The following THSD7B variants were observed in gnomAD, a reference collection of about 807,000 sequenced individuals.
The protein encoded by THSD7B is thrombospondin type-1 domain-containing protein 7B.
THSD7B carries 138 observed loss-of-function variants against 213.6 expected under a neutral mutation model. The ratio of observed to expected loss-of-function variants is 0.65; its 90% confidence interval spans 0.56 to 0.74. THSD7B has a LOEUF of 0.74. Among genes scored for constraint, THSD7B ranks in the 30% least tolerant of loss-of-function variants. The pLI is 0.00. For missense variants in THSD7B, 1,931 were observed against 1,991.5 expected (o/e 0.97, Z 0.58); for synonymous variants, 742 against 687.0 (o/e 1.08, Z -1.25).
intron 12 of THSD7B, among the ~76,000 whole-genome samples, chr2:137,401,554 A>T (rs1574008408): frequency 6.6e-6 from 1 of 152,088 alleles, no homozygotes; most frequent in Admixed American, 6.5e-5. Context: ...AGAATTCTGA[A>T]CCAGAAGACA....
chr2:137,671,249 A>ATTT (rs1558878836), intron 27 of THSD7B, among the ~76,000 whole-genome samples: 26 of 16,474 alleles, frequency 1.6e-3, no homozygotes, highest in African/African-American at 2.3e-3. Flanking sequence ...TTTTTTTTTA[A>ATTT]AAAAAAAAAA....
intron 15 of THSD7B, among the ~76,000 whole-genome samples, chr2:137,476,080 T>C (rs1210180877): frequency 2.6e-5 from 4 of 152,184 alleles, no homozygotes; most frequent in East Asian, 1.9e-4. Flanking sequence ...TTTTTTCATA[T>C]ACCTGGTAAG....
At chr2:136,948,425 C>CTT (rs34273193) in intron 2 of THSD7B, among the ~76,000 whole-genome samples, 8 of 149,472 alleles carry the variant, frequency 5.4e-5, no homozygotes, top group African/African-American at 7.6e-5. Flanking sequence ...TCCCCCATAC[C>CTT]TTTCTTTTTT....
chr2:137,094,558 T>TAA lies in THSD7B; in HGVS notation c.951-304_951-303dup, dbSNP rs34285827. On this transcript the variant is annotated intron_variant, in intron 3 of 27. Transcript: ENST00000409968. ...GGGTGACAGAGCAAGACTCCATCTC[T>TAA]AAAAAAAAAAAACACAGCAGCCTAG... Among the ~76,000 whole-genome samples, 529 of 141,912 alleles carry TAA rather than the reference T, an allele frequency of 3.7e-3. 6 individuals carry two copies. In the East Asian group the frequency reaches 0.049, roughly 13 times the overall value. The allele number at this position is 141,912 out of a possible 152,430, so 93.1% of individuals were successfully genotyped here. A position where few individuals can be genotyped will look rare whatever the true frequency, so the allele number is the denominator to read the frequency against.
rs1030136367 is a variant in THSD7B, at chr2:137,098,119, G to T, written c.1199+2998G>T. ...AATCTATTAGGGAACAGAAATTCTC[G>T]TTTCCTTTCACAGAACTCATAAGCA... On this transcript the variant is annotated intron_variant, in intron 4 of 27. Transcript: ENST00000409968. Among the ~76,000 whole-genome samples the T allele has an allele frequency of 3.3e-5, 5 of 152,104 alleles. 1 individual carries two copies. Among genetic ancestry groups the T allele is most frequent in the Middle Eastern group, 6.3e-3 (2 of 316 alleles).
intron 24 of THSD7B, among the ~76,000 whole-genome samples, chr2:137,658,323 G>A (rs185226178): frequency 5.3e-5 from 8 of 152,136 alleles, no homozygotes; most frequent in Admixed American, 6.5e-5. Flanking sequence ...GAGAGTTAAC[G>A]TACTGGTAGG....
intron 15 of THSD7B, among the ~76,000 whole-genome samples, chr2:137,513,644 A>G (rs1333161814): frequency 6.6e-6 from 1 of 152,246 alleles, no homozygotes; most frequent in Non-Finnish European, 1.5e-5. Context: ...TTTCATTAAA[A>G]AAGTTATTAT....
chr2:137,480,189 C>G (rs1451173542), intron 15 of THSD7B, among the ~76,000 whole-genome samples: 2 of 152,150 alleles, frequency 1.3e-5, no homozygotes, highest in African/African-American at 4.8e-5. Context: ...ACTGTTTTGA[C>G]TCTTCTTTGT....
chr2:137,139,915 G>T (rs1378662277), intron 5 of THSD7B, among the ~76,000 whole-genome samples: 1 of 152,090 alleles, frequency 6.6e-6, no homozygotes, highest in Non-Finnish European at 1.5e-5. Flanking sequence ...ATATGAATTA[G>T]TTTAATGAGA....
intron 5 of THSD7B, among the ~76,000 whole-genome samples, chr2:137,121,691 A>C (rs1279481354): frequency 6.6e-6 from 1 of 152,200 alleles, no homozygotes; most frequent in African/African-American, 2.4e-5. Flanking sequence ...TTGGCTGTAA[A>C]GGCCCTTAAA....
rs554837768 is a variant in THSD7B at position 137,082,302 on chromosome 2, T to C, written c.951-12571T>C. 2.6e-5 allele frequency among the ~76,000 whole-genome samples: 4 copies of C among 152,244 alleles called. No individual in the cohort carries two copies. In the East Asian group the frequency reaches 7.7e-4, roughly 29 times the overall value. On this transcript the variant is annotated intron_variant, in intron 3 of 27. Coordinates refer to ENST00000409968, the MANE Select transcript of THSD7B (RefSeq NM_001316349.2). ...TACTTACATCTAATTTGAAAGTGTG[T>C]ATATGTGTGTGTGTTCATGTTCTGT...
chr2:137,662,162 A>G lies in THSD7B; in HGVS notation c.4459-1221A>G, dbSNP rs566442737. Among the ~76,000 whole-genome samples the G allele has an allele frequency of 2.8e-5, 4 of 142,702 alleles. No individual in the cohort carries two copies. The East Asian group carries it at 8.2e-4, about 29-fold the overall frequency. The allele number at this position is 142,702 out of a possible 152,430, so 93.6% of individuals were successfully genotyped here. On this transcript the variant is annotated intron_variant, in intron 25 of 27. Coordinates refer to ENST00000409968, the MANE Select transcript of THSD7B (RefSeq NM_001316349.2). ...ACTGCAACCACCGCCTCCTGGGTTCACGCCATTCTCCTGCCTCAGCCTCCC... is the reference window on the plus strand; with the variant it reads ...ACTGCAACCACCGCCTCCTGGGTTCGCGCCATTCTCCTGCCTCAGCCTCCC...
At chr2:137,455,776 A>AT (rs1687750769) in intron 15 of THSD7B, among the ~76,000 whole-genome samples, 1 of 152,278 alleles carries the variant, frequency 6.6e-6, no homozygotes, top group South Asian at 2.1e-4. Flanking sequence ...ATATATTTTA[A>AT]TTTTTCACAG....
chr2:136,868,770 A>G (rs1683385707), intron 1 of THSD7B, among the ~76,000 whole-genome samples: 1 of 152,094 alleles, frequency 6.6e-6, no homozygotes, highest in South Asian at 2.1e-4. Flanking sequence ...TCTCGACAAC[A>G]TTCACATATA....
intron 3 of THSD7B, among the ~76,000 whole-genome samples, chr2:137,060,446 C>G (rs912170324): frequency 1.3e-5 from 2 of 151,300 alleles, no homozygotes; most frequent in Non-Finnish European, 2.9e-5. Context: ...CCAAAGTCAA[C>G]TCAATTTTTC....
At chr2:136,997,257 C>G (rs1310351647) in intron 2 of THSD7B, among the ~76,000 whole-genome samples, 1 of 152,114 alleles carries the variant, frequency 6.6e-6, no homozygotes, top group Non-Finnish European at 1.5e-5. Flanking sequence ...TTTTTCTTCC[C>G]TTTCATCTTT....
chr2:137,052,571 G>GT (rs1394950509), intron 2 of THSD7B, among the ~76,000 whole-genome samples: 4 of 151,666 alleles, frequency 2.6e-5, no homozygotes, highest in East Asian at 1.9e-4. Flanking sequence ...TAAAAGCAAG[G>GT]TTTTTTTGTA....
intron 17 of THSD7B, among the ~76,000 whole-genome samples, chr2:137,588,100 A>G (rs1681780010): frequency 6.6e-6 from 1 of 152,156 alleles, no homozygotes; most frequent in Non-Finnish European, 1.5e-5. Context: ...GCTAGCAATG[A>G]GTGAGGCTCC....
intron 2 of THSD7B, among the ~76,000 whole-genome samples, chr2:136,965,336 T>A (rs62172678): frequency 1.3e-5 from 2 of 152,096 alleles, no homozygotes; most frequent in African/African-American, 2.4e-5. Context: ...ATAACACATA[T>A]GGTGAAGAGT....
Sources: gnomAD v4.1 joint callset for allele counts (sites outside exome capture counted in the v4.1 genomes callset) on GRCh38, gnomAD v4.1.1 for gene constraint, MANE v1.5 for transcripts, NCBI Gene and HGNC (gene_info 2026-07-23, HGNC 2026-07-21) for gene names.